SORD: variants seen among roughly 807,000 people sequenced by gnomAD.
SORD encodes sorbitol dehydrogenase, also known as (R,R)-butanediol dehydrogenase.
Under a neutral mutation model 35.6 loss-of-function variants are expected in SORD, and 18 were observed. The observed-to-expected ratio is 0.51, with a 90% CI of 0.35 to 0.75. SORD has a LOEUF of 0.75. Ranked by LOEUF, SORD falls within the 30% of genes least tolerant of loss-of-function variation. SORD has a pLI of 0.01. For synonymous variants in SORD, 106 were observed against 152.9 expected (o/e 0.69, Z 2.26); for missense variants, 250 against 390.2 (o/e 0.64, Z 3.03).
intron 1 of SORD, among the ~76,000 whole-genome samples, chr15:45,040,019 T>G (rs1458331594): frequency 6.6e-6 from 1 of 151,944 alleles, no homozygotes; most frequent in Non-Finnish European, 1.5e-5. Context: ...GCAATTAGAG[T>G]CAGCTCTTCC....
chr15:45,041,112 C>A (rs1295150271), intron 2 of SORD, among the ~76,000 whole-genome samples: 1 of 152,210 alleles, frequency 6.6e-6, no homozygotes, highest in Non-Finnish European at 1.5e-5. Flanking sequence ...TGCTGACGCC[C>A]AAGGTGGCAT....
intron 1 of SORD, among the ~76,000 whole-genome samples, chr15:45,028,333 AAAAC>A (rs1892713564): frequency 6.6e-6 from 1 of 152,244 alleles, no homozygotes; most frequent in South Asian, 2.1e-4. Flanking sequence ...TCTCAAAACA[AAAAC>A]AAACAAAAAA....
At chr15:45,029,672 G>T (rs1201708959) in intron 1 of SORD, among the ~76,000 whole-genome samples, 2 of 152,288 alleles carry the variant, frequency 1.3e-5, no homozygotes, top group East Asian at 3.8e-4. Flanking sequence ...GCCTTTTCTG[G>T]GTACCTGTAC....
At chr15:45,025,462 A>C (rs1892654248) in intron 1 of SORD, among the ~76,000 whole-genome samples, 1 of 151,920 alleles carries the variant, frequency 6.6e-6, no homozygotes, top group African/African-American at 2.4e-5. Flanking sequence ...ACACGGTGAA[A>C]CTGTCTCTAC....
intron 7 of SORD, among the ~76,000 whole-genome samples, chr15:45,069,378 T>C (rs981503351): frequency 6.6e-6 from 1 of 151,702 alleles, no homozygotes; most frequent in Admixed American, 6.6e-5. Flanking sequence ...AGCTAAGTTT[T>C]TTGTATTTTT....
rs71480278 is a variant in SORD, at chr15:45,060,867, G to A, written c.266-200G>A. The A allele has an allele frequency of 0.076, 87,922 of 1,157,446 alleles. 2,882 individuals carry two copies. Among genetic ancestry groups the A allele is most frequent in the South Asian group, 0.1 (6,641 of 64,326 alleles). 71.7% of individuals were successfully genotyped at this position (1,157,446 alleles called of 1,614,324 possible). ...CATCCCAAGTTTCCTCACTTGCCTAGGACACCCTGGGTCCCCAGGGAGGAG... is the reference window on the plus strand; with the variant it reads ...CATCCCAAGTTTCCTCACTTGCCTAAGACACCCTGGGTCCCCAGGGAGGAG... On this transcript the variant is annotated intron_variant, in intron 3 of 8. Transcript: ENST00000267814.
chr15:45,045,522 G>C lies in SORD; in HGVS notation c.265+2101G>C, dbSNP rs1364078024. ...CATGCCAGCTTTCCAGCCTTGGTGA[G>C]AGACAGAGCAAGACTCCATCTCAAA... On this transcript the variant is annotated intron_variant, in intron 3 of 8. Transcript: ENST00000267814. Among the ~76,000 whole-genome samples the C allele has an allele frequency of 2.4e-5, 3 of 127,220 alleles. No individual in the cohort carries two copies. The East Asian group carries it at 8.1e-4, about 34-fold the overall frequency. The allele number at this position is 127,220 out of a possible 152,430, so 83.5% of individuals were successfully genotyped here. A position where few individuals can be genotyped will look rare whatever the true frequency, so the allele number is the denominator to read the frequency against.
At chr15:45,038,177 T>TTCCA (rs1892903857) in intron 1 of SORD, among the ~76,000 whole-genome samples, 1 of 141,446 alleles carries the variant, frequency 7.1e-6, no homozygotes, top group Non-Finnish European at 1.5e-5. Context: ...CCTTCCTTCC[T>TTCCA]TCCTTCCTTC....
chr15:45,069,473 G>T (rs902474024), intron 7 of SORD, among the ~76,000 whole-genome samples: 2 of 152,062 alleles, frequency 1.3e-5, no homozygotes, highest in African/African-American at 4.8e-5. Context: ...GCCTCTCAAA[G>T]TGCTGGGATT....
In SORD at chr15:45,073,504, T is replaced by C. The variant is rs1893547199; in HGVS notation, c.1048T>C (p.Cys350Arg). Residue 350 changes from cysteine (C) to arginine (R), a missense_variant, in exon 9 of 9, where the codon TGT (cysteine) becomes CGT (arginine). Physicochemically the swap from Cys to Arg is radical, Grantham distance 180. Around this residue, in one of 8 missense-constraint regions of SORD, gnomAD observed 17 missense variants for 26.2 expected, o/e 0.65. Transcript: ENST00000267814. ...ATTGGGGTTGAAAATCATGCTCAAG[T>C]GTGACCCCAGTGACCAGAATCCCTG... ...KGLGLKIMLK[C>R]DPSDQNP 1 of 1,570,616 alleles carries C rather than the reference T, an allele frequency of 6.4e-7. No homozygotes were observed.
intron 5 of SORD, among the ~76,000 whole-genome samples, chr15:45,066,375 G>A (rs1489101236): frequency 6.6e-6 from 1 of 151,478 alleles, no homozygotes; most frequent in Non-Finnish European, 1.5e-5. Context: ...ACAGCAGCGC[G>A]ATCTTGGCTC....
intron 3 of SORD, among the ~76,000 whole-genome samples, chr15:45,051,490 T>C (rs1005172952): frequency 6.6e-6 from 1 of 152,216 alleles, no homozygotes; most frequent in Non-Finnish European, 1.5e-5. Flanking sequence ...CTGTTAAATA[T>C]GTTAGCGGTT....
At chr15:45,052,008 C>T (rs1023504315) in intron 3 of SORD, among the ~76,000 whole-genome samples, 1 of 152,198 alleles carries the variant, frequency 6.6e-6, no homozygotes, top group Non-Finnish European at 1.5e-5. Context: ...TTTATCTTAA[C>T]CTAATTCAAA....
At chr15:45,059,234 G>A (rs1172935834) in intron 3 of SORD, among the ~76,000 whole-genome samples, 1 of 152,014 alleles carries the variant, frequency 6.6e-6, no homozygotes, top group Admixed American at 6.6e-5. Context: ...GGAGGCTGAG[G>A]CAGGAGGACC....
intron 8 of SORD, among the ~76,000 whole-genome samples, chr15:45,072,768 A>C (rs1346651653): frequency 8.4e-6 from 1 of 119,286 alleles, no homozygotes; most frequent in Non-Finnish European, 1.5e-5. Flanking sequence ...CTTTAAAGGG[A>C]AGAAGGAGAG....
chr15:45,029,121 T>C (rs992403523), intron 1 of SORD, among the ~76,000 whole-genome samples: 1 of 152,244 alleles, frequency 6.6e-6, no homozygotes, highest in Non-Finnish European at 1.5e-5. Flanking sequence ...AAAAGAGAAA[T>C]TGGGTAGCAG....
At chr15:45,034,176 G>A (rs1225582178) in intron 1 of SORD, among the ~76,000 whole-genome samples, 2 of 151,212 alleles carry the variant, frequency 1.3e-5, no homozygotes, top group African/African-American at 4.9e-5. Context: ...TACTGAGTCG[G>A]CATTCCCTTT....
rs543796492 is a variant in SORD at position 45,035,445 on chromosome 15, A to C, written c.67-4963A>C. Among the ~76,000 whole-genome samples the C allele has an allele frequency of 1.9e-3, 286 of 151,464 alleles. 5 individuals are homozygous for C. The highest frequency in any genetic ancestry group is 3.5e-4 in the Non-Finnish European group (24 of 67,928). ...AGGGTTTATGAATGCACCAATCCAC[A>C]CTCTGTATCTAGCTAATCTGGGGGG... On this transcript the variant is annotated intron_variant, in intron 1 of 8. Transcript: ENST00000267814.
At chr15:45,050,154 T>G (rs1429774635) in intron 3 of SORD, among the ~76,000 whole-genome samples, 1 of 152,188 alleles carries the variant, frequency 6.6e-6, no homozygotes, top group Non-Finnish European at 1.5e-5. Context: ...GCCATCTGGC[T>G]CACTGCAAGC....
Sources: allele counts gnomAD v4.1 joint callset (sites outside exome capture counted in the v4.1 genomes callset), GRCh38; gene constraint gnomAD v4.1.1; regional missense constraint gnomAD v4.1.1; transcripts MANE v1.5; gene names NCBI Gene and HGNC (gene_info 2026-07-23, HGNC 2026-07-21).